The following ARHGEF3 variants were observed in gnomAD, a reference collection of about 807,000 sequenced individuals.
ARHGEF3 encodes Rho guanine nucleotide exchange factor 3, also known as 59.8 kDA protein.
In ARHGEF3, 28 loss-of-function variants were observed where a neutral mutation model predicts 63.2. The observed-to-expected ratio is 0.44, with a 90% CI of 0.33 to 0.61. The LOEUF is 0.61. ARHGEF3 is among the 20% of genes least tolerant of loss of function. The probability of loss-of-function intolerance (pLI) is 0.03; values close to 1 mark genes in which losing one functional copy is unlikely to be tolerated. For synonymous variants in ARHGEF3, 266 were observed against 254.2 expected (o/e 1.05, Z -0.44); for missense variants, 533 against 659.3 (o/e 0.81, Z 2.10).
intron 4 of ARHGEF3, among the ~76,000 whole-genome samples, chr3:56,861,867 T>G (rs1488872415): frequency 1.7e-4 from 3 of 17,802 alleles, no homozygotes; most frequent in Non-Finnish European, 2.6e-4. Context: ...ACCTGTTGGT[T>G]TTTTTTTTTT....
chr3:56,902,814 C>T (rs187437817), intron 3 of ARHGEF3, among the ~76,000 whole-genome samples: 1 of 152,286 alleles, frequency 6.6e-6, no homozygotes, highest in African/African-American at 2.4e-5. Context: ...TGCCCAAAGC[C>T]TTAGGTCTCA....
chr3:57,043,290 T>A (rs1480915504), intron 1 of ARHGEF3, among the ~76,000 whole-genome samples: 2 of 151,914 alleles, frequency 1.3e-5, no homozygotes, highest in African/African-American at 4.8e-5. Context: ...CTAATTTTTG[T>A]ATTTTTAGTA....
chr3:56,931,186 C>T (rs1269324591), intron 3 of ARHGEF3, among the ~76,000 whole-genome samples: 1 of 152,164 alleles, frequency 6.6e-6, no homozygotes, highest in Non-Finnish European at 1.5e-5. Context: ...TAATGCCTGG[C>T]AGAGGTTCTT....
At chr3:57,011,438 T>C (rs1458935878) in intron 2 of ARHGEF3, among the ~76,000 whole-genome samples, 1 of 152,176 alleles carries the variant, frequency 6.6e-6, no homozygotes, top group East Asian at 1.9e-4. Flanking sequence ...ACAGGACATA[T>C]GGCAATGTCT....
intron 2 of ARHGEF3, among the ~76,000 whole-genome samples, chr3:56,988,673 T>C (rs1701631561): frequency 6.6e-6 from 1 of 152,190 alleles, no homozygotes. Context: ...GCTCTGGTTT[T>C]TGCAACTGTC....
In ARHGEF3 at chr3:56,729,282, T is replaced by G. The variant is rs780031583; in HGVS notation, c.1569A>C (p.Glu523Asp). The part of the protein sequence containing the change: ...DSSCGNSRHG[E>D]SNV ...GCACATGCTTCTGTCAGACGTTACT[T>G]TCACCGTGCCTGCTGTTTCCACAGG... The change falls in exon 10 of 10, where the codon GAA (glutamate) becomes GAC (aspartate). Residue 523 changes from glutamate (E) to aspartate (D), a missense_variant. Transcript: ENST00000296315. 4 of 1,611,634 alleles carry G rather than the reference T, an allele frequency of 2.5e-6. No individual in the cohort carries two copies. The African/African-American group carries it at 5.3e-5, about 22-fold the overall frequency.
At chr3:56,884,561 T>A (rs748381427) in intron 3 of ARHGEF3, among the ~76,000 whole-genome samples, 37 of 152,236 alleles carry the variant, frequency 2.4e-4, no homozygotes, top group Non-Finnish European at 4.4e-4. Context: ...CCAGGAGCCA[T>A]CCCCAGGAAT....
intron 2 of ARHGEF3, among the ~76,000 whole-genome samples, chr3:57,017,923 T>C (rs1703089043): frequency 6.6e-6 from 1 of 152,166 alleles, no homozygotes. Flanking sequence ...AAAAAAACTT[T>C]CAGTGAAGTG....
At chr3:56,792,265 G>A (rs2037127523) in intron 1 of ARHGEF3, among the ~76,000 whole-genome samples, 1 of 152,158 alleles carries the variant, frequency 6.6e-6, no homozygotes, top group Non-Finnish European at 1.5e-5. Context: ...CATCCCATAT[G>A]CACACATATA....
intron 2 of ARHGEF3, among the ~76,000 whole-genome samples, chr3:56,967,801 T>A (rs1484618938): frequency 2.4e-4 from 16 of 67,914 alleles, no homozygotes; most frequent in African/African-American, 9.0e-4. Context: ...TATTACATAT[T>A]ATATAATATA....
At chr3:57,006,720 C>T (rs1203496896) in intron 2 of ARHGEF3, among the ~76,000 whole-genome samples, 1 of 152,162 alleles carries the variant, frequency 6.6e-6, no homozygotes, top group African/African-American at 2.4e-5. Flanking sequence ...GTCACTCGTT[C>T]AATGTGCTGC....
intron 3 of ARHGEF3, among the ~76,000 whole-genome samples, chr3:56,944,259 C>A (rs904410969): frequency 6.6e-5 from 10 of 152,220 alleles, no homozygotes; most frequent in Non-Finnish European, 1.5e-4. Context: ...TGGCTGTGGG[C>A]AAAGTAAATT....
intron 1 of ARHGEF3, among the ~76,000 whole-genome samples, chr3:57,047,091 G>C (rs1704486039): frequency 6.6e-6 from 1 of 152,226 alleles, no homozygotes; most frequent in Non-Finnish European, 1.5e-5. Flanking sequence ...GCTAACGCCT[G>C]TAATCCCAGC....
At chr3:56,916,422 G>T (rs1560047555) in intron 3 of ARHGEF3, 250 of 1,476,752 alleles carry the variant, frequency 1.7e-4, no homozygotes, top group Non-Finnish European at 2.2e-4. Context: ...TCTGAACAGG[G>T]CTGAGCATAG....
intron 2 of ARHGEF3, among the ~76,000 whole-genome samples, chr3:56,770,776 C>G (rs370303505): frequency 3.9e-5 from 6 of 152,298 alleles, no homozygotes; most frequent in African/African-American, 1.4e-4. Flanking sequence ...TCTTCTGTTT[C>G]TGCTGGGTTG....
rs2032814003 is a variant in ARHGEF3, at chr3:56,727,562, GA to G, written c.*1707del. The G allele has an allele frequency of 6.6e-6, 1 of 152,640 alleles. No homozygotes were observed. The highest frequency in any genetic ancestry group is 1.5e-5 in the Non-Finnish European group (1 of 68,034). 9.5% of individuals were successfully genotyped at this position (152,640 alleles called of 1,614,324 possible). A position where few individuals can be genotyped will look rare whatever the true frequency, so the allele number is the denominator to read the frequency against. On this transcript the variant is annotated 3_prime_UTR_variant, in exon 10 of 10. Transcript: ENST00000296315. Reference sequence around the variant, plus strand: ...AACCTCTTTTCCCAACACACTGGCTGATGGCTTCTAAAAGTGGCTGATGGCG... The same window carrying G: ...AACCTCTTTTCCCAACACACTGGCTGTGGCTTCTAAAAGTGGCTGATGGCG...
intron 3 of ARHGEF3, among the ~76,000 whole-genome samples, chr3:56,948,657 A>C (rs937648693): frequency 1.3e-5 from 2 of 152,212 alleles, no homozygotes; most frequent in Non-Finnish European, 2.9e-5. Flanking sequence ...AACCAAAAAA[A>C]GTCCAGGACC....
intron 2 of ARHGEF3, among the ~76,000 whole-genome samples, chr3:57,023,940 G>T (rs560017624): frequency 6.6e-6 from 1 of 152,116 alleles, no homozygotes; most frequent in Non-Finnish European, 1.5e-5. Context: ...CCAGAACAAC[G>T]CCCCCGGCAC....
rs188181608 is a variant in ARHGEF3 at position 56,976,076 on chromosome 3, C to G, written c.63-17187G>C. On this transcript the variant is annotated intron_variant, in intron 2 of 12. Coordinates refer to the ARHGEF3 transcript ENST00000338458. ...GTTGTTGTTGAGACAGAGTCTTGCT[C>G]TGTTGCCCAGGCTGGAGTGCAGTGG... Among the ~76,000 whole-genome samples, 7 of 152,268 alleles carry G rather than the reference C, an allele frequency of 4.6e-5. No homozygotes were observed. In the East Asian group the frequency reaches 1.2e-3, roughly 25 times the overall value.
Sources: allele counts gnomAD v4.1 joint callset (sites outside exome capture counted in the v4.1 genomes callset), GRCh38; gene constraint gnomAD v4.1.1; transcripts MANE v1.5; gene names NCBI Gene and HGNC (gene_info 2026-07-23, HGNC 2026-07-21).